FAM153A: variants seen among roughly 807,000 people sequenced by gnomAD.
FAM153A encodes protein FAM153A.
Under a neutral mutation model 48.1 loss-of-function variants are expected in FAM153A, and 12 were observed. The observed-to-expected ratio is 0.25, with a 90% confidence interval of 0.16 to 0.40. FAM153A has a LOEUF of 0.40. Ranked by LOEUF, FAM153A falls within the 10% of genes least tolerant of loss-of-function variation. FAM153A has a pLI of 1.00. For missense variants in FAM153A, 111 were observed against 345.8 expected (o/e 0.32, Z 5.38); for synonymous variants, 36 against 118.2 (o/e 0.30, Z 4.51).
chr5:177,743,199 TTGTTTTG>T (rs1417801464), intron 6 of FAM153A, among the ~76,000 whole-genome samples: 217 of 65,962 alleles, frequency 3.3e-3, no homozygotes, highest in Non-Finnish European at 5.3e-3. Flanking sequence ...TGTTTTTTTT[TTGTTTTG>T]TTTTTTTTTT....
chr5:177,737,731 C>T (rs1422833491), intron 10 of FAM153A, among the ~76,000 whole-genome samples: 4 of 151,548 alleles, frequency 2.6e-5, no homozygotes, highest in Non-Finnish European at 5.9e-5. Flanking sequence ...TGTTGGTCAG[C>T]CTGGTTTCGA....
downstream of FAM153A, among the ~76,000 whole-genome samples, chr5:177,707,774 T>C (rs1025086435): frequency 6.6e-5 from 10 of 151,816 alleles, no homozygotes; most frequent in Non-Finnish European, 1.0e-4. Flanking sequence ...TTGGCCAGGC[T>C]GGTCTCAAAC....
At chr5:177,760,082 T>C (rs1377550477) in intron 1 of FAM153A, among the ~76,000 whole-genome samples, 1 of 150,328 alleles carries the variant, frequency 6.7e-6, no homozygotes, top group Non-Finnish European at 1.5e-5. Flanking sequence ...ATTACCTGTG[T>C]AAATGGAGAA....
upstream of FAM153A, among the ~76,000 whole-genome samples, chr5:177,757,821 C>T (rs1215651710): frequency 7.0e-4 from 105 of 151,016 alleles, no homozygotes; most frequent in African/African-American, 2.2e-3. Context: ...ATTGATGGGA[C>T]GTATCTCAAA....
chr5:177,718,615 T>C (rs1310776911), downstream of FAM153A: 1 of 133,676 alleles, frequency 7.5e-6, no homozygotes, highest in Non-Finnish European at 1.7e-5. Flanking sequence ...TTTAATAAAA[T>C]TAAGAAAAAA....
intron 1 of FAM153A, among the ~76,000 whole-genome samples, chr5:177,759,844 C>G (rs1395915166): frequency 6.6e-6 from 1 of 151,700 alleles, no homozygotes; most frequent in African/African-American, 2.4e-5. Context: ...AGGAGATATA[C>G]TTAATGTTAA....
the FAM153A span, among the ~76,000 whole-genome samples, chr5:177,700,141 A>T: frequency 2.0e-5 from 3 of 152,006 alleles, 1 homozygote; most frequent in African/African-American, 7.3e-5. Flanking sequence ...AAAGCATTTG[A>T]TAAAATTCAA....
chr5:177,712,103 A>T (rs1199036303), exon 27 of FAM153A: 3 of 151,762 alleles, frequency 2.0e-5, no homozygotes, highest in Non-Finnish European at 4.4e-5. Context: ...CAATTAAAAA[A>T]ACAATTTAAA....
At chr5:177,709,371 T>TC (rs1183915878), downstream of FAM153A, among the ~76,000 whole-genome samples, 3 of 148,646 alleles carry the variant, frequency 2.0e-5, no homozygotes, top group Admixed American at 6.7e-5. Context: ...TTTTTTTTTT[T>TC]TTTTTTCCGA....
At chr5:177,759,208 C>T in intron 1 of FAM153A, among the ~76,000 whole-genome samples, 1 of 151,818 alleles carries the variant, frequency 6.6e-6, no homozygotes, top group Admixed American at 6.6e-5. Flanking sequence ...CCAACAGACA[C>T]ATGAAAAAAT....
upstream of FAM153A, among the ~76,000 whole-genome samples, chr5:177,754,424 A>G (rs931494247): frequency 6.6e-6 from 1 of 151,798 alleles, no homozygotes; most frequent in African/African-American, 2.4e-5. Context: ...GGCATAGCCA[A>G]ACAAAAGGCA....
chr5:177,728,742 T>G (rs1365332991), intron 18 of FAM153A, among the ~76,000 whole-genome samples: 2 of 150,924 alleles, frequency 1.3e-5, no homozygotes, highest in African/African-American at 4.9e-5. Flanking sequence ...TAATTTTGTA[T>G]TTTTAGGAGC....
In FAM153A at chr5:177,758,432, G is replaced by A. The variant is rs11249692; in HGVS notation, c.-56-9733C>T. On this transcript the variant is annotated intron_variant, in intron 1 of 8. Transcript: ENST00000393518. ...AATTTATAGATTCAATGCCATCCCCGTCAATCTACCAATGACTTTCTTCAC... is the reference window on the plus strand; with the variant it reads ...AATTTATAGATTCAATGCCATCCCCATCAATCTACCAATGACTTTCTTCAC... 6.3e-3 allele frequency among the ~76,000 whole-genome samples: 923 copies of A among 146,698 alleles called. 16 individuals are homozygous for A. Among genetic ancestry groups the A allele is most frequent in the African/African-American group, 0.022 (887 of 40,202 alleles).
rs1764697827 is a variant in FAM153A, at chr5:177,736,620, A to G, written c.634-11T>C. On this transcript the variant is annotated splice_polypyrimidine_tract_variant and intron_variant, in intron 11 of 20. Coordinates refer to ENST00000614127, the Ensembl canonical transcript of FAM153A. ...TGGGTCCCCCTCCATCTAGAGAAAA[A>G]CAAAACACTATGAGGATCAGACCAG... 1.3e-6 allele frequency: 2 copies of G among 1,599,490 alleles called. No homozygotes were observed. The highest frequency in any genetic ancestry group is 1.7e-6 in the Non-Finnish European group (2 of 1,174,560).
chr5:177,708,517 C>T (rs1476875400), downstream of FAM153A, among the ~76,000 whole-genome samples: 4 of 151,726 alleles, frequency 2.6e-5, no homozygotes, highest in South Asian at 2.1e-4. Flanking sequence ...GCGGAGGTTG[C>T]GGTGAGCAGA....
intron 13 of FAM153A, 125 bp downstream of exon 15, chr5:177,734,738 A>G: frequency 2.0e-6 from 3 of 1,528,606 alleles, no homozygotes; most frequent in Non-Finnish European, 2.7e-6. Context: ...CTCACTTACC[A>G]TTTCCCTCAA....
chr5:177,699,612 T>C, the FAM153A span, among the ~76,000 whole-genome samples: 1 of 152,242 alleles, frequency 6.6e-6, no homozygotes, highest in Admixed American at 6.5e-5. Context: ...TTAGATGAAA[T>C]GAACAAGTTT....
chr5:177,768,075 T>TG lies in FAM153A; in HGVS notation c.-57+12373dup, dbSNP rs1190008550. On this transcript the variant is annotated intron_variant, in intron 1 of 8. Transcript: ENST00000393518. ...AACTTCTGGCCAACTGTCTTCAAAT[T>TG]GGGGTTCCCAGGACTCCCTCTTTGG... 6.1e-5 allele frequency among the ~76,000 whole-genome samples: 6 copies of TG among 98,418 alleles called. No homozygotes were observed. The Admixed American group carries it at 6.9e-4, about 11-fold the overall frequency. The allele number at this position is 98,418 out of a possible 152,430, so 64.6% of individuals were successfully genotyped here. A position where few individuals can be genotyped will look rare whatever the true frequency, so the allele number is the denominator to read the frequency against.
chr5:177,699,888 GAA>G, the FAM153A span, among the ~76,000 whole-genome samples: 301 of 133,168 alleles, frequency 2.3e-3, 3 homozygotes, highest in Non-Finnish European at 3.3e-3. Flanking sequence ...ACCAAAGCCA[GAA>G]AAAAAAAAAC....
Sources: gnomAD v4.1 joint callset for allele counts (sites outside exome capture counted in the v4.1 genomes callset) on GRCh38, gnomAD v4.1.1 for gene constraint, MANE v1.5 for transcripts, NCBI Gene and HGNC (gene_info 2026-07-23, HGNC 2026-07-21) for gene names.